The following PKNOX2 variants were observed in gnomAD, a reference collection of about 807,000 sequenced individuals.
PKNOX2 encodes PBX/knotted 1 homeobox 2.
A neutral mutation model predicts 53.1 loss-of-function variants in PKNOX2; 14 were observed. The observed-to-expected ratio is 0.26, with a 90% CI of 0.17 to 0.41. PKNOX2 has a LOEUF of 0.41. PKNOX2 is among the 10% of genes least tolerant of loss of function. The pLI is 1.00. For missense variants in PKNOX2, 496 were observed against 602.8 expected (o/e 0.82, Z 1.85); for synonymous variants, 257 against 242.8 (o/e 1.06, Z -0.54).
chr11:125,168,238 C>G (rs1955034741), intron 1 of PKNOX2, among the ~76,000 whole-genome samples: 1 of 152,198 alleles, frequency 6.6e-6, no homozygotes, highest in Admixed American at 6.5e-5. Context: ...TTTGCTTTTT[C>G]AATCTGTTTG....
chr11:125,285,604 A>G (rs1946845876), intron 2 of PKNOX2, among the ~76,000 whole-genome samples: 1 of 152,186 alleles, frequency 6.6e-6, no homozygotes, highest in Admixed American at 6.5e-5. Context: ...CATTCCTATT[A>G]CTGTGAGTAA....
At chr11:125,167,432 G>A (rs1017246375) in intron 1 of PKNOX2, among the ~76,000 whole-genome samples, 3 of 152,168 alleles carry the variant, frequency 2.0e-5, no homozygotes, top group African/African-American at 4.8e-5. Flanking sequence ...ATTCGTGAGA[G>A]CTCTCTCCCG....
At position 125,410,861 on chromosome 11, in the gene PKNOX2, G is replaced by A. The variant is rs1442235932; in HGVS notation, c.801G>A (p.Gln267=). 4.3e-6 allele frequency: 7 copies of A among 1,613,948 alleles called. No individual in the cohort carries two copies. Among genetic ancestry groups the A allele is most frequent in the Non-Finnish European group, 5.9e-6 (7 of 1,179,852 alleles). The change falls in exon 9 of 13, where the codon CAG becomes CAA. Residue 267 remains glutamine, a synonymous_variant. Coordinates refer to ENST00000298282, the MANE Select transcript of PKNOX2 (RefSeq NM_001382323.2). ...VTQAIPQGAI[Q]IQNTQVNLDL... ...AAGCAATCCCCCAGGGAGCCATCCA[G>A]ATCCAGAACACACAGGTGAGTGTGT...
chr11:125,265,488 C>A (rs1945254577), intron 2 of PKNOX2, among the ~76,000 whole-genome samples: 1 of 152,188 alleles, frequency 6.6e-6, no homozygotes. Flanking sequence ...CCAATTCCTG[C>A]CACACACCTG....
intron 1 of PKNOX2, among the ~76,000 whole-genome samples, chr11:125,214,731 G>C (rs1281297607): frequency 1.3e-5 from 2 of 151,968 alleles, no homozygotes; most frequent in Non-Finnish European, 2.9e-5. Context: ...CCAACTCCTT[G>C]CCAACCCTTA....
At chr11:125,200,120 G>A (rs1223153869) in intron 1 of PKNOX2, among the ~76,000 whole-genome samples, 4 of 152,216 alleles carry the variant, frequency 2.6e-5, no homozygotes, top group East Asian at 3.9e-4. Flanking sequence ...AGTGTACAAT[G>A]TCAGAGCCTG....
At chr11:125,288,690 C>A (rs565888384) in intron 2 of PKNOX2, among the ~76,000 whole-genome samples, 1 of 152,228 alleles carries the variant, frequency 6.6e-6, no homozygotes. Flanking sequence ...ACCACCGCAG[C>A]GACTCTGGCT....
chr11:125,425,512 CG>C (rs1956366927), intron 10 of PKNOX2, among the ~76,000 whole-genome samples: 1 of 140,252 alleles, frequency 7.1e-6, no homozygotes, highest in Admixed American at 7.0e-5. Context: ...CCTCCAATAA[CG>C]ATCAGAGAGC....
chr11:125,374,986 G>A (rs1179829954), intron 5 of PKNOX2, among the ~76,000 whole-genome samples: 2 of 152,118 alleles, frequency 1.3e-5, no homozygotes, highest in African/African-American at 2.4e-5. Context: ...GGGCCATGAA[G>A]GTTCATATGG....
At chr11:125,265,753 G>T (rs1267837049) in intron 2 of PKNOX2, among the ~76,000 whole-genome samples, 1 of 152,188 alleles carries the variant, frequency 6.6e-6, no homozygotes, top group Non-Finnish European at 1.5e-5. Context: ...GCTTCACAGG[G>T]TTGGGTAAGG....
chr11:125,260,550 A>C (rs1219125434), intron 2 of PKNOX2, among the ~76,000 whole-genome samples: 3 of 151,682 alleles, frequency 2.0e-5, no homozygotes, highest in African/African-American at 7.3e-5. Context: ...ATAGGTTGGG[A>C]GTTTTGAGGA....
At chr11:125,243,914 G>T (rs1326841587) in intron 2 of PKNOX2, among the ~76,000 whole-genome samples, 1 of 152,200 alleles carries the variant, frequency 6.6e-6, no homozygotes. Flanking sequence ...GAGCCACCAT[G>T]CCCAGCCTGT....
chr11:125,284,560 A>G (rs1377539221), intron 2 of PKNOX2, among the ~76,000 whole-genome samples: 4 of 152,194 alleles, frequency 2.6e-5, no homozygotes, highest in Non-Finnish European at 5.9e-5. Flanking sequence ...ATTTTTTGCA[A>G]ATAAAATGGT....
chr11:125,421,043 A>G (rs1956142411), intron 10 of PKNOX2, among the ~76,000 whole-genome samples: 1 of 152,112 alleles, frequency 6.6e-6, no homozygotes, highest in Non-Finnish European at 1.5e-5. Flanking sequence ...ACTTCTGTCT[A>G]TGAAAAAAAA....
intron 2 of PKNOX2, among the ~76,000 whole-genome samples, chr11:125,293,950 T>C (rs1199245338): frequency 1.3e-5 from 2 of 152,106 alleles, no homozygotes; most frequent in East Asian, 3.8e-4. Context: ...CTCCCAACAT[T>C]GATTGAAGGA....
rs565556573 is a variant in PKNOX2, at chr11:125,191,619, T to A, written c.-201+26843T>A. Reference sequence around the variant, plus strand: ...TCCGGCGAGCATCTCATCACTAGATTCCACTGTTGGGAAGTTGTGGTGGGG... The same window carrying A: ...TCCGGCGAGCATCTCATCACTAGATACCACTGTTGGGAAGTTGTGGTGGGG... On this transcript the variant is annotated intron_variant, in intron 1 of 12. Transcript: ENST00000298282. 1.9e-3 allele frequency among the ~76,000 whole-genome samples: 295 copies of A among 152,250 alleles called. 1 individual carries two copies. Among genetic ancestry groups the A allele is most frequent in the African/African-American group, 6.8e-3 (283 of 41,560 alleles).
At chr11:125,404,427 A>G (rs541977970) in intron 7 of PKNOX2, among the ~76,000 whole-genome samples, 1 of 152,320 alleles carries the variant, frequency 6.6e-6, no homozygotes, top group South Asian at 2.1e-4. Flanking sequence ...GGAGTGGAAC[A>G]AGAACAGGAT....
At chr11:125,180,220 C>G (rs1956077259) in intron 1 of PKNOX2, among the ~76,000 whole-genome samples, 2 of 152,244 alleles carry the variant, frequency 1.3e-5, no homozygotes, top group Admixed American at 6.5e-5. Flanking sequence ...CATTTCCCAT[C>G]TAAAATGAAA....
chr11:125,236,858 C>A (rs548023002), intron 2 of PKNOX2, among the ~76,000 whole-genome samples: 3 of 152,290 alleles, frequency 2.0e-5, no homozygotes, highest in Non-Finnish European at 2.9e-5. Context: ...AGAGACAAGG[C>A]CAGTGAGGGC....
Sources: gnomAD v4.1 joint callset for allele counts (sites outside exome capture counted in the v4.1 genomes callset) on GRCh38, gnomAD v4.1.1 for gene constraint, MANE v1.5 for transcripts, NCBI Gene and HGNC (gene_info 2026-07-23, HGNC 2026-07-21) for gene names.